The following CHL1 variants were observed in gnomAD, a reference collection of about 807,000 sequenced individuals.
CHL1 encodes the protein cell adhesion molecule L1 like, also known as neural cell adhesion molecule L1-like protein.
CHL1 carries 96 observed loss-of-function variants against 141.9 expected under a neutral mutation model. That is an observed-to-expected ratio of 0.68 (90% CI 0.57 to 0.80). The LOEUF (loss-of-function observed/expected upper bound fraction) is 0.80. CHL1 is among the 30% of genes least tolerant of loss of function. The pLI, the probability that CHL1 is intolerant of heterozygous loss-of-function variation, is 0.00. For synonymous variants in CHL1, 613 were observed against 502.2 expected, an observed-to-expected ratio of 1.22 and a Z score of -2.95; for missense variants, 1,820 against 1,457.2, an observed-to-expected ratio of 1.25 and a Z score of -4.05.
At chr3:398,865 A>C in intron 25 of CHL1, 152 bp from the exon 26 acceptor site, 1 of 609,092 alleles carries the variant, frequency 1.6e-6, no homozygotes, top group Non-Finnish European at 2.9e-6. Context: ...TTCTCCCATT[A>C]ACATGTCCTT....
chr3:236,418 G>C (rs1691988351), intron 1 of CHL1, among the ~76,000 whole-genome samples: 1 of 152,126 alleles, frequency 6.6e-6, no homozygotes, highest in Admixed American at 6.6e-5. Context: ...ATAGGGAAGG[G>C]AAGTGTTCTT....
At chr3:372,805 G>A (rs1473477509) in intron 15 of CHL1, among the ~76,000 whole-genome samples, 1 of 151,418 alleles carries the variant, frequency 6.6e-6, no homozygotes, top group African/African-American at 2.4e-5. Flanking sequence ...TGATGCTGTT[G>A]TTGTTGCTTT....
chr3:275,926 A>T (rs1026210312), intron 2 of CHL1, among the ~76,000 whole-genome samples: 3 of 152,112 alleles, frequency 2.0e-5, no homozygotes, highest in African/African-American at 7.2e-5. Flanking sequence ...TTGGCTAAGT[A>T]GTTTATATTT....
rs578225193 is a variant in CHL1, at chr3:405,732, G to A, written c.*21G>A. The A allele has an allele frequency of 6.7e-5, 105 of 1,562,686 alleles. No homozygotes were observed. The South Asian group carries it at 8.4e-4, about 13-fold the overall frequency. On this transcript the variant is annotated 3_prime_UTR_variant, in exon 28 of 28. Transcript: ENST00000256509. Reference sequence around the variant, plus strand: ...CATAAACACAACATATGTAAGCAACGCTACTGGTTCACCCCAACCTTCCAT... The same window carrying A: ...CATAAACACAACATATGTAAGCAACACTACTGGTTCACCCCAACCTTCCAT...
In CHL1 at chr3:328,185, T is replaced by C. The variant is rs765881781; in HGVS notation, c.216T>C (p.Asp72=). ...GTTTTAGATTTTCGTGGACTAAGGA[T>C]GGCAACCCTTTTTATTTCACTGACC... The part of the protein sequence containing the change: ...NPEPTFSWTK[D]GNPFYFTDHR... The change falls in exon 5 of 28, where the codon GAT becomes GAC. Residue 72 remains aspartate, a synonymous_variant. Transcript: ENST00000256509. 17 of 1,607,466 alleles carry C rather than the reference T, an allele frequency of 1.1e-5. No individual in the cohort carries two copies. In the Admixed American group the frequency reaches 2.4e-4, roughly 22 times the overall value.
In CHL1 at chr3:264,347, G is replaced by T. The variant is rs534488576; in HGVS notation, c.-95+19655G>T. ...AGATCCTCTATTCTGTATTCCAGTA[G>T]AAATAATAACTCAGTAGGAATAGGA... On this transcript the variant is annotated intron_variant, in intron 2 of 27. Coordinates refer to ENST00000256509, the MANE Select transcript of CHL1 (RefSeq NM_006614.4). Among the ~76,000 whole-genome samples the T allele has an allele frequency of 2.0e-5, 3 of 152,160 alleles. No individual in the cohort carries two copies. In the East Asian group the frequency reaches 5.8e-4, roughly 29 times the overall value.
chr3:315,096 G>A (rs1282907600), intron 2 of CHL1, among the ~76,000 whole-genome samples: 1 of 152,110 alleles, frequency 6.6e-6, no homozygotes, highest in African/African-American at 2.4e-5. Flanking sequence ...AATATTAGTA[G>A]GAGGGACTAT....
chr3:270,371 C>A (rs965618705), intron 2 of CHL1, among the ~76,000 whole-genome samples: 1 of 152,092 alleles, frequency 6.6e-6, no homozygotes, highest in Non-Finnish European at 1.5e-5. Context: ...TGAATTTAAA[C>A]CCTGGGACTC....
At chr3:360,636 A>T (rs112925429) in intron 12 of CHL1, among the ~76,000 whole-genome samples, 3 of 151,190 alleles carry the variant, frequency 2.0e-5, no homozygotes, top group Non-Finnish European at 4.4e-5. Flanking sequence ...CATGTGCACA[A>T]TGTGCAGGTT....
At chr3:381,460 G>A (rs1459801683) in intron 16 of CHL1, among the ~76,000 whole-genome samples, 1 of 152,164 alleles carries the variant, frequency 6.6e-6, no homozygotes, top group South Asian at 2.1e-4. Flanking sequence ...CTCCCCAGTG[G>A]CTTGCAGGTG....
intron 1 of CHL1, among the ~76,000 whole-genome samples, chr3:242,337 C>CTG (rs1692669736): frequency 6.6e-6 from 1 of 150,992 alleles, no homozygotes; most frequent in Non-Finnish European, 1.5e-5. Context: ...TGGCTCACGC[C>CTG]TGTAATCCCA....
At position 377,777 on chromosome 3, in the gene CHL1, T is replaced by C. The variant is rs144707931; in HGVS notation, c.1752-41T>C. The C allele has an allele frequency of 1.7e-4, 255 of 1,529,288 alleles. No homozygotes were observed. The African/African-American group carries it at 3.1e-3, about 19-fold the overall frequency. 94.7% of individuals were successfully genotyped at this position (1,529,288 alleles called of 1,614,324 possible). On this transcript the variant is annotated intron_variant, in intron 15 of 27. Transcript: ENST00000256509. ...AAGAATTGGGTTTCTATCATTTCTATTGTTTTCCTTCTCATCATGTACTCA... is the reference window on the plus strand; with the variant it reads ...AAGAATTGGGTTTCTATCATTTCTACTGTTTTCCTTCTCATCATGTACTCA...
At chr3:320,229 A>G (rs1433873676) in intron 3 of CHL1, among the ~76,000 whole-genome samples, 1 of 152,068 alleles carries the variant, frequency 6.6e-6, no homozygotes, top group Non-Finnish European at 1.5e-5. Context: ...ACTGGCATTC[A>G]ACAAATTATG....
chr3:285,433 G>A (rs1337957678), intron 2 of CHL1, among the ~76,000 whole-genome samples: 3 of 152,186 alleles, frequency 2.0e-5, no homozygotes, highest in Admixed American at 2.0e-4. Flanking sequence ...ACAAAATTCA[G>A]TACAGTCAGT....
At chr3:345,441 C>G (rs1702683757) in intron 9 of CHL1, among the ~76,000 whole-genome samples, 2 of 115,162 alleles carry the variant, frequency 1.7e-5, no homozygotes, top group Non-Finnish European at 3.7e-5. Flanking sequence ...AAAAGCAATC[C>G]ATTTATTTAT....
At chr3:359,395 C>T (rs1243866492) in intron 11 of CHL1, among the ~76,000 whole-genome samples, 1 of 152,072 alleles carries the variant, frequency 6.6e-6, no homozygotes, top group Non-Finnish European at 1.5e-5. Context: ...CCTCCACCTC[C>T]TGGGTTCAAG....
intron 1 of CHL1, among the ~76,000 whole-genome samples, chr3:242,415 T>G (rs1488606432): frequency 2.2e-5 from 3 of 137,952 alleles, no homozygotes; most frequent in South Asian, 2.5e-4. Flanking sequence ...GCTAACACGG[T>G]GAAACCCCGT....
Position 326,011 on chromosome 3 carries a change from C to T in CHL1, c.144C>T (p.Pro48=), listed in dbSNP as rs745969009. The T allele has an allele frequency of 6.2e-7, 1 of 1,611,718 alleles. No homozygotes were observed. The highest frequency in any genetic ancestry group is 1.1e-5 in the South Asian group (1 of 90,908). Reference sequence around the variant, plus strand: ...AGTCAAAAGTCCAAGTTGCCTTTCCCTTCGATGAGTATTTTCAAATTGAAT... The same window carrying T: ...AGTCAAAAGTCCAAGTTGCCTTTCCTTTCGATGAGTATTTTCAAATTGAAT... ...IKQSKVQVAF[P]FDEYFQIECE... is the part of the protein sequence containing the mutation. Residue 48 remains proline, a synonymous_variant, in exon 4 of 28, where the codon CCC becomes CCT. Transcript: ENST00000256509.
intron 2 of CHL1, among the ~76,000 whole-genome samples, chr3:258,951 T>TC (rs201948317): frequency 2.7e-5 from 4 of 145,794 alleles, no homozygotes; most frequent in Non-Finnish European, 4.4e-5. Context: ...TTTTTTTTTT[T>TC]CTGAGACATT....
Sources: gnomAD v4.1 joint callset for allele counts (sites outside exome capture counted in the v4.1 genomes callset) on GRCh38, gnomAD v4.1.1 for gene constraint, MANE v1.5 for transcripts, NCBI Gene and HGNC (gene_info 2026-07-23, HGNC 2026-07-21) for gene names.